MAGI1: variants seen among roughly 807,000 people sequenced by gnomAD.
The protein encoded by MAGI1 is membrane-associated guanylate kinase, WW and PDZ domain-containing protein 1.
Under a neutral mutation model 139.9 loss-of-function variants are expected in MAGI1, and 58 were observed. The observed-to-expected ratio is 0.41, with a 90% CI of 0.34 to 0.52. The LOEUF is 0.52. Ranked by LOEUF, MAGI1 falls within the 20% of genes least tolerant of loss-of-function variation. MAGI1 has a pLI of 0.12. For synonymous variants in MAGI1, 812 were observed against 737.9 expected (o/e 1.10, Z -1.63); for missense variants, 1,874 against 1,901.6 (o/e 0.99, Z 0.27).
intron 14 of MAGI1, among the ~76,000 whole-genome samples, chr3:65,386,964 T>A (rs1943491812): frequency 6.6e-6 from 1 of 152,204 alleles, no homozygotes; most frequent in African/African-American, 2.4e-5. Context: ...TGCAAAACCC[T>A]TTTTATTCCA....
intron 3 of MAGI1, among the ~76,000 whole-genome samples, chr3:65,488,255 G>GA (rs1283294463): frequency 1.3e-5 from 2 of 152,146 alleles, no homozygotes; most frequent in Non-Finnish European, 2.9e-5. Flanking sequence ...CTCCTCTAGG[G>GA]AGTCTGCCAA....
chr3:65,519,351 C>G (rs2078045470), intron 2 of MAGI1, among the ~76,000 whole-genome samples: 1 of 53,068 alleles, frequency 1.9e-5, no homozygotes, highest in Admixed American at 1.8e-4. Flanking sequence ...CACACACACA[C>G]ACACACACAC....
chr3:65,470,235 G>A, intron 5 of MAGI1, 48 bp downstream of exon 5: 1 of 1,359,378 alleles, frequency 7.4e-7, no homozygotes, highest in Non-Finnish European at 1.0e-6. Context: ...GGGAAGGAAG[G>A]GAAAAGAAAG....
At chr3:65,715,839 G>A (rs1197593175) in intron 1 of MAGI1, among the ~76,000 whole-genome samples, 1 of 152,204 alleles carries the variant, frequency 6.6e-6, no homozygotes. Flanking sequence ...AGCAGGAAGA[G>A]TTTAGGTTGT....
chr3:65,654,333 C>T (rs879402684), intron 1 of MAGI1, among the ~76,000 whole-genome samples: 31 of 152,054 alleles, frequency 2.0e-4, no homozygotes, highest in African/African-American at 6.0e-4. Flanking sequence ...AACGTACACA[C>T]GGAGATATAC....
intron 2 of MAGI1, among the ~76,000 whole-genome samples, chr3:65,503,468 G>C (rs1426465711): frequency 1.3e-5 from 2 of 152,160 alleles, no homozygotes. Flanking sequence ...TCAGAAACAG[G>C]ACCCTTATTT....
intron 4 of MAGI1, 147 bp downstream of exon 4, chr3:65,478,445 T>C (rs1279808261): frequency 4.2e-6 from 3 of 708,192 alleles, no homozygotes; most frequent in Non-Finnish European, 7.5e-6. Context: ...GACCATCTCT[T>C]CTGCAAGCAC....
intron 2 of MAGI1, among the ~76,000 whole-genome samples, chr3:65,613,376 C>T (rs1194284182): frequency 6.6e-6 from 1 of 152,124 alleles, no homozygotes; most frequent in Non-Finnish European, 1.5e-5. Context: ...TCTGATCTAA[C>T]ATGTTTTCAC....
intron 1 of MAGI1, among the ~76,000 whole-genome samples, chr3:65,751,031 A>G (rs985635855): frequency 1.3e-5 from 2 of 152,236 alleles, no homozygotes; most frequent in East Asian, 3.8e-4. Context: ...GATTAAAAAC[A>G]GTTTCAGAAA....
chr3:65,384,643 G>C (rs1943303100), intron 14 of MAGI1, among the ~76,000 whole-genome samples: 1 of 152,164 alleles, frequency 6.6e-6, no homozygotes. Context: ...TGAGGTGGGA[G>C]AATCACTTGA....
Position 65,429,823 on chromosome 3 carries a change from G to C in MAGI1, c.1864C>G (p.His622Asp). ...SPADVASNSS[H>D]GYPNDTVSLA... Reference sequence around the variant, plus strand: ...GAAACAGTGTCATTAGGATAACCATGAGAACTATTTGAAGCCACGTCCGCT... The same window carrying C: ...GAAACAGTGTCATTAGGATAACCATCAGAACTATTTGAAGCCACGTCCGCT... The change falls in exon 12 of 23, where the codon CAT (histidine) becomes GAT (aspartate). Residue 622 changes from histidine to aspartate, a missense_variant. Transcript: ENST00000402939. 1 of 1,614,016 alleles carries C rather than the reference G, an allele frequency of 6.2e-7. No homozygotes were observed.
At chr3:65,630,106 A>C (rs2084206429) in intron 1 of MAGI1, among the ~76,000 whole-genome samples, 1 of 152,224 alleles carries the variant, frequency 6.6e-6, no homozygotes, top group African/African-American at 2.4e-5. Flanking sequence ...ATAAACATAC[A>C]TGCACACTTA....
chr3:65,686,964 C>T (rs2088099984), intron 1 of MAGI1, among the ~76,000 whole-genome samples: 1 of 152,168 alleles, frequency 6.6e-6, no homozygotes, highest in African/African-American at 2.4e-5. Context: ...GTAGCAGGTG[C>T]TTTTATAGCT....
intron 1 of MAGI1, among the ~76,000 whole-genome samples, chr3:65,661,370 T>G (rs2086179481): frequency 1.3e-5 from 2 of 152,206 alleles, no homozygotes; most frequent in Admixed American, 1.3e-4. Context: ...GTCATTTTCA[T>G]AATTAAACAA....
chr3:66,023,061 G>A (rs931879703), intron 1 of MAGI1, among the ~76,000 whole-genome samples: 2 of 152,180 alleles, frequency 1.3e-5, no homozygotes, highest in African/African-American at 4.8e-5. Context: ...GGGGACTTCT[G>A]GGTGCTCCAA....
intron 1 of MAGI1, among the ~76,000 whole-genome samples, chr3:65,936,832 A>C (rs1379868298): frequency 6.6e-6 from 1 of 152,044 alleles, no homozygotes; most frequent in Non-Finnish European, 1.5e-5. Context: ...CCTGGACTCA[A>C]GCAATCCTCC....
intron 1 of MAGI1, 126 bp downstream of exon 1, chr3:66,037,870 G>A (rs1576550440): frequency 3.4e-6 from 5 of 1,459,498 alleles, no homozygotes; most frequent in Non-Finnish European, 3.7e-6. Context: ...CGCCACCACA[G>A]GGCGCACGGC....
chr3:66,026,282 C>G (rs1446768277), intron 1 of MAGI1, among the ~76,000 whole-genome samples: 2 of 152,142 alleles, frequency 1.3e-5, no homozygotes, highest in African/African-American at 4.8e-5. Flanking sequence ...AATAAAGGCC[C>G]TCTAAGACCT....
At chr3:65,540,039 T>C (rs1190718325) in intron 2 of MAGI1, among the ~76,000 whole-genome samples, 2 of 152,336 alleles carry the variant, frequency 1.3e-5, no homozygotes, top group East Asian at 3.9e-4. Flanking sequence ...GCTTAAGAGC[T>C]TTCTCATAAG....
Sources: gnomAD v4.1 joint callset for allele counts (sites outside exome capture counted in the v4.1 genomes callset) on GRCh38, gnomAD v4.1.1 for gene constraint, MANE v1.5 for transcripts, NCBI Gene and HGNC (gene_info 2026-07-23, HGNC 2026-07-21) for gene names.